The following GRIK2 variants were observed in gnomAD, a reference collection of about 807,000 sequenced individuals.
GRIK2 encodes glutamate receptor ionotropic, kainate 2.
GRIK2 carries 32 observed loss-of-function variants against 100.3 expected under a neutral mutation model. The observed-to-expected ratio is 0.32, with a 90% CI of 0.24 to 0.43. The LOEUF (loss-of-function observed/expected upper bound fraction) is 0.43. Among genes scored for constraint, GRIK2 ranks in the 20% least tolerant of loss-of-function variants. The pLI is 1.00. For synonymous variants in GRIK2, 417 were observed against 389.4 expected (o/e 1.07, Z -0.83); for missense variants, 843 against 1,114.9 (o/e 0.76, Z 3.47).
At chr6:101,809,481 A>G (rs1032660824) in intron 9 of GRIK2, among the ~76,000 whole-genome samples, 15 of 151,968 alleles carry the variant, frequency 9.9e-5, no homozygotes, top group Non-Finnish European at 2.2e-4. Flanking sequence ...AAATCTGAAA[A>G]TCTACCTCAG....
chr6:101,430,855 C>T lies in GRIK2; in HGVS notation c.115+31463C>T, dbSNP rs150116867. 64 of 327,500 alleles carry T rather than the reference C, an allele frequency of 2.0e-4. No individual in the cohort carries two copies. The East Asian group carries it at 2.7e-3, about 14-fold the overall frequency. The allele number at this position is 327,500 out of a possible 1,614,324, so 20.3% of individuals were successfully genotyped here. ...GCATAGCACAGCTTCTCCTTGATGT[C>T]GCGCACTATCTCCCACTAGGCAGTG... On this transcript the variant is annotated intron_variant, in intron 2 of 16. Transcript: ENST00000369134.
intron 7 of GRIK2, among the ~76,000 whole-genome samples, chr6:101,776,003 A>C (rs551592145): frequency 6.6e-6 from 1 of 152,302 alleles, no homozygotes; most frequent in Admixed American, 6.5e-5. Flanking sequence ...CAAAAACATA[A>C]GTCATAAGCA....
At chr6:101,579,574 C>T (rs1012185821) in intron 2 of GRIK2, among the ~76,000 whole-genome samples, 2 of 151,890 alleles carry the variant, frequency 1.3e-5, no homozygotes, top group South Asian at 4.2e-4. Flanking sequence ...ACATTTGGGC[C>T]GGGCATGGTG....
intron 16 of GRIK2, chr6:102,063,992 C>A: frequency 6.4e-7 from 1 of 1,555,654 alleles, no homozygotes; most frequent in Non-Finnish European, 8.8e-7. Flanking sequence ...GCCACCATAC[C>A]ATCCAGACAC....
At chr6:101,897,624 C>T (rs1787555334) in intron 12 of GRIK2, among the ~76,000 whole-genome samples, 1 of 151,652 alleles carries the variant, frequency 6.6e-6, no homozygotes, top group Non-Finnish European at 1.5e-5. Flanking sequence ...ATATTTTAAT[C>T]CACAATGTCT....
At chr6:101,709,244 CAGAT>C (rs887839503) in intron 7 of GRIK2, among the ~76,000 whole-genome samples, 21 of 151,640 alleles carry the variant, frequency 1.4e-4, no homozygotes, top group Non-Finnish European at 1.6e-4. Context: ...AGATATAAAA[CAGAT>C]AGACCGTGGC....
intron 7 of GRIK2, among the ~76,000 whole-genome samples, chr6:101,734,690 C>T (rs1775513798): frequency 1.3e-5 from 2 of 152,028 alleles, no homozygotes; most frequent in African/African-American, 4.8e-5. Flanking sequence ...TCCTACAGGG[C>T]CCTGAAGGAC....
intron 14 of GRIK2, among the ~76,000 whole-genome samples, chr6:101,938,416 A>G (rs758644160): frequency 1.1e-4 from 17 of 152,124 alleles, no homozygotes; most frequent in Admixed American, 1.0e-3. Context: ...GTGCTTGTTC[A>G]TAAGTGTTGA....
chr6:102,029,703 G>T (rs995681913), intron 14 of GRIK2, among the ~76,000 whole-genome samples: 1 of 151,200 alleles, frequency 6.6e-6, no homozygotes, highest in Non-Finnish European at 1.5e-5. Flanking sequence ...GCCAATGGCA[G>T]TGTTCTAAAT....
At chr6:101,473,378 A>G (rs1360195295) in intron 2 of GRIK2, among the ~76,000 whole-genome samples, 1 of 151,662 alleles carries the variant, frequency 6.6e-6, no homozygotes, top group African/African-American at 2.4e-5. Context: ...TTTTTCTTAT[A>G]TGTTTCCCTA....
In GRIK2 at chr6:101,430,796, C is replaced by T; in HGVS notation, c.115+31404C>T. On this transcript the variant is annotated intron_variant, in intron 2 of 16. Coordinates refer to ENST00000369134, the MANE Select transcript of GRIK2 (RefSeq NM_021956.5). ...TCCTTTCCAGGGAGGAAGAGGATGC[C>T]ATGGTGGCCATCACCTGCTCAAAGT... 2 of 247,532 alleles carry T rather than the reference C, an allele frequency of 8.1e-6. 1 individual carries two copies. Among genetic ancestry groups the T allele is most frequent in the Non-Finnish European group, 1.8e-5 (2 of 112,332 alleles). The allele number at this position is 247,532 out of a possible 1,614,324, so 15.3% of individuals were successfully genotyped here. A position where few individuals can be genotyped will look rare whatever the true frequency, so the allele number is the denominator to read the frequency against.
At chr6:101,514,425 C>T (rs1429231214) in intron 2 of GRIK2, among the ~76,000 whole-genome samples, 1 of 151,952 alleles carries the variant, frequency 6.6e-6, no homozygotes, top group African/African-American at 2.4e-5. Context: ...CATATGGAGA[C>T]AGGGAAGGGA....
At chr6:101,505,882 T>A (rs1774000190) in intron 2 of GRIK2, among the ~76,000 whole-genome samples, 1 of 152,080 alleles carries the variant, frequency 6.6e-6, no homozygotes, top group African/African-American at 2.4e-5. Context: ...AACGTTTTTT[T>A]AAAAAGCTAA....
intron 2 of GRIK2, among the ~76,000 whole-genome samples, chr6:101,460,046 C>T (rs534969185): frequency 5.9e-5 from 9 of 152,266 alleles, no homozygotes; most frequent in South Asian, 2.1e-4. Context: ...CATGAGCCAC[C>T]GTGCCCGGCC....
intron 4 of GRIK2, among the ~76,000 whole-genome samples, chr6:101,637,045 T>A (rs2128322776): frequency 6.6e-6 from 1 of 152,294 alleles, no homozygotes; most frequent in Admixed American, 6.5e-5. Context: ...TGTCATTCTA[T>A]CTGTGTTACC....
chr6:101,957,936 T>C (rs757702041), intron 14 of GRIK2, among the ~76,000 whole-genome samples: 1 of 152,082 alleles, frequency 6.6e-6, no homozygotes, highest in Non-Finnish European at 1.5e-5. Flanking sequence ...TGTAACCTTG[T>C]AGTATATTTT....
chr6:101,663,781 T>C (rs749398321), intron 4 of GRIK2, among the ~76,000 whole-genome samples: 6 of 152,084 alleles, frequency 3.9e-5, no homozygotes, highest in South Asian at 4.1e-4. Flanking sequence ...GGTGTCTGTG[T>C]GCCCAGAATC....
intron 12 of GRIK2, among the ~76,000 whole-genome samples, chr6:101,921,557 C>A (rs982671119): frequency 2.6e-5 from 4 of 151,926 alleles, no homozygotes; most frequent in Non-Finnish European, 5.9e-5. Flanking sequence ...GTGGGACAGT[C>A]AATCTTAGAG....
chr6:101,931,134 C>A (rs1296348373), intron 14 of GRIK2, among the ~76,000 whole-genome samples: 1 of 152,070 alleles, frequency 6.6e-6, no homozygotes, highest in Non-Finnish European at 1.5e-5. Flanking sequence ...ATTCCAATTT[C>A]AATTTCATGT....
Sources: allele counts gnomAD v4.1 joint callset (sites outside exome capture counted in the v4.1 genomes callset), GRCh38; gene constraint gnomAD v4.1.1; transcripts MANE v1.5; gene names NCBI Gene and HGNC (gene_info 2026-07-23, HGNC 2026-07-21).